Variants in SLC12A2 observed in about 807,000 individuals in gnomAD.
SLC12A2 encodes Na-K-2Cl cotransporter 1.
A neutral mutation model predicts 136.3 loss-of-function variants in SLC12A2; 67 were observed. The ratio of observed to expected loss-of-function variants is 0.49; its 90% CI spans 0.40 to 0.60. The LOEUF (loss-of-function observed/expected upper bound fraction) is 0.60. SLC12A2 is among the 20% of genes least tolerant of loss of function. SLC12A2 has a pLI of 0.00. For missense variants in SLC12A2, 1,322 were observed against 1,534.7 expected (o/e 0.86, Z 2.32); for synonymous variants, 619 against 562.9 (o/e 1.10, Z -1.41).
intron 19 of SLC12A2, among the ~76,000 whole-genome samples, chr5:128,172,275 T>A (rs1022709692): frequency 2.6e-5 from 4 of 152,208 alleles, no homozygotes; most frequent in African/African-American, 9.6e-5. Context: ...TCTGTACCTT[T>A]CATCCAGTTT....
In SLC12A2 at chr5:128,106,179, T is replaced by A. The variant is rs1345878151; in HGVS notation, c.757-6635T>A. On this transcript the variant is annotated intron_variant, in intron 1 of 26. Transcript: ENST00000262461. Reference sequence around the variant, plus strand: ...GCTTCATTTAATAAACCATTACCCATAAAATATTTATGTTGCCAATTTCTA... The same window carrying A: ...GCTTCATTTAATAAACCATTACCCAAAAAATATTTATGTTGCCAATTTCTA... 1.2e-4 allele frequency among the ~76,000 whole-genome samples: 19 copies of A among 152,190 alleles called. 1 individual carries two copies. Among genetic ancestry groups the A allele is most frequent in the Admixed American group, 1.2e-3 (18 of 15,268 alleles).
intron 16 of SLC12A2, among the ~76,000 whole-genome samples, chr5:128,158,840 T>A (rs948957175): frequency 2.0e-5 from 3 of 151,294 alleles, no homozygotes; most frequent in African/African-American, 7.3e-5. Context: ...TGTTTTCTTT[T>A]CTCTGCAACC....
intron 1 of SLC12A2, among the ~76,000 whole-genome samples, chr5:128,108,151 C>A (rs552504756): frequency 6.6e-6 from 1 of 152,068 alleles, no homozygotes; most frequent in East Asian, 1.9e-4. Context: ...TAGGCATCTT[C>A]ATTTTAAGCA....
Position 128,084,698 on chromosome 5 carries a change from C to G in SLC12A2, c.744C>G (p.Asp248Glu), listed in dbSNP as rs368335273. The change falls in exon 1 of 27, where the codon GAC becomes GAG. Residue 248 changes from aspartate to glutamate, a missense_variant. Asp to Glu is a conservative substitution (Grantham distance 45, BLOSUM62 2). This residue lies in a region of SLC12A2 where 59 missense variants were observed against 51.5 expected (regional missense o/e 1.15). Transcript: ENST00000262461. This position sits in a 1 kb window ranked among gnomAD's most constrained non-coding sequence, Gnocchi z 5.6. ...LLRPSLAELH[D>E]ELEKEPFEDG... ...GGCCTAGCCTGGCGGAGCTCCACGA[C>G]GAGCTGGAAAAGGTGAGCTCGCCCA... 138 of 1,598,336 alleles carry G rather than the reference C, an allele frequency of 8.6e-5. No homozygotes were observed. Among genetic ancestry groups the G allele is most frequent in the Non-Finnish European group, 9.7e-5 (114 of 1,171,260 alleles).
intron 9 of SLC12A2, among the ~76,000 whole-genome samples, chr5:128,140,904 G>A (rs1285276934): frequency 6.6e-6 from 1 of 150,610 alleles, no homozygotes; most frequent in Non-Finnish European, 1.5e-5. Context: ...TGTATAGTCT[G>A]CCTAGTCATT....
chr5:128,103,926 T>C (rs1050218499), intron 1 of SLC12A2, among the ~76,000 whole-genome samples: 1 of 152,164 alleles, frequency 6.6e-6, no homozygotes, highest in Non-Finnish European at 1.5e-5. Context: ...TGGAAAAAAA[T>C]AGAAATGTCA....
chr5:128,153,187 T>C lies in SLC12A2; in HGVS notation c.2363+382T>C, dbSNP rs564051150. ...TTAGTGATTAACTGGAAGCAACTTATAGTGACAAAGAATCAGTGCTTATAC... is the reference window on the plus strand; with the variant it reads ...TTAGTGATTAACTGGAAGCAACTTACAGTGACAAAGAATCAGTGCTTATAC... On this transcript the variant is annotated intron_variant, in intron 15 of 26. Transcript: ENST00000262461. Among the ~76,000 whole-genome samples the C allele has an allele frequency of 3.0e-4, 45 of 152,366 alleles. No homozygotes were observed. In the South Asian group the frequency reaches 8.1e-3, roughly 27 times the overall value.
At position 128,084,506 on chromosome 5, in the gene SLC12A2, C is replaced by T; in HGVS notation, c.552C>T (p.Ser184=). Reference sequence around the variant, plus strand: ...ACACGGTGCTGAGCGAGGGCAGCAGCCTGCACTCCGGCGGCGGCGGCGGCA... The same window carrying T: ...ACACGGTGCTGAGCGAGGGCAGCAGTCTGCACTCCGGCGGCGGCGGCGGCA... ...GGDTVLSEGS[S]LHSGGGGGSG... Residue 184 remains serine (S), a synonymous_variant, in exon 1 of 27, where the codon AGC becomes AGT. Coordinates refer to ENST00000262461, the MANE Select transcript of SLC12A2 (RefSeq NM_001046.3). This position sits in a 1 kb window ranked among gnomAD's most constrained non-coding sequence, Gnocchi z 5.6. The T allele has an allele frequency of 1.9e-6, 3 of 1,613,052 alleles. No homozygotes were observed. Among genetic ancestry groups the T allele is most frequent in the Non-Finnish European group, 2.5e-6 (3 of 1,179,792 alleles).
chr5:128,131,757 G>A (rs1210708268), intron 5 of SLC12A2, among the ~76,000 whole-genome samples: 1 of 152,120 alleles, frequency 6.6e-6, no homozygotes, highest in African/African-American at 2.4e-5. Flanking sequence ...TGTAATCTCA[G>A]TACTATGGGA....
chr5:128,182,394 G>A lies in SLC12A2; in HGVS notation c.3213-461G>A, dbSNP rs935867115. 1.8e-4 allele frequency among the ~76,000 whole-genome samples: 27 copies of A among 152,004 alleles called. 1 individual carries two copies. The highest frequency in any genetic ancestry group is 1.2e-3 in the Admixed American group (18 of 15,258). ...TCCCAGTTCCTTCTTTCCCCAAAAT[G>A]CTATGAACTTAATCTGCCATCAACT... On this transcript the variant is annotated intron_variant, in intron 23 of 26. Transcript: ENST00000262461.
At chr5:128,147,492 C>T in intron 10 of SLC12A2, 130 bp from the exon 11 acceptor site, 3 of 581,612 alleles carry the variant, frequency 5.2e-6, no homozygotes, top group Non-Finnish European at 9.2e-6. Context: ...ATGCACATAG[C>T]GTTGTTGTTA....
chr5:128,167,925 C>T (rs1457615359), intron 18 of SLC12A2, 58 bp downstream of exon 18: 5 of 1,047,678 alleles, frequency 4.8e-6, no homozygotes, highest in Non-Finnish European at 6.8e-6. Flanking sequence ...ATTTTGAAAG[C>T]TTGTCCTAAT....
intron 1 of SLC12A2, among the ~76,000 whole-genome samples, chr5:128,101,916 A>G (rs1388037428): frequency 6.6e-6 from 1 of 152,184 alleles, no homozygotes; most frequent in African/African-American, 2.4e-5. Flanking sequence ...TGGTGATTTC[A>G]TATTTGTATG....
In SLC12A2 at chr5:128,084,017, G is replaced by C; in HGVS notation, c.63G>C (p.Thr21=). 1 of 1,255,426 alleles carries C rather than the reference G, an allele frequency of 8.0e-7. No individual in the cohort carries two copies. The highest frequency in any genetic ancestry group is 1.0e-6 in the Non-Finnish European group (1 of 1,002,406). The allele number at this position is 1,255,426 out of a possible 1,614,324, so 77.8% of individuals were successfully genotyped here. The change falls in exon 1 of 27, where the codon ACG becomes ACC. Residue 21 remains threonine (T), a synonymous_variant. Coordinates refer to ENST00000262461, the MANE Select transcript of SLC12A2 (RefSeq NM_001046.3). This position sits in a 1 kb window ranked among gnomAD's most constrained non-coding sequence, Gnocchi z 5.6. ...CGGGACTGGCCGGGGTCGGGGAGAC[G>C]CCGTCAGCCGCTGCGCTGGCCGCAG... ...GAPGLAGVGE[T]PSAAALAAAR...
intron 4 of SLC12A2, among the ~76,000 whole-genome samples, chr5:128,119,503 C>A (rs1038275854): frequency 6.6e-6 from 1 of 152,094 alleles, no homozygotes; most frequent in African/African-American, 2.4e-5. Context: ...GCTTGTTTTT[C>A]TCAGGTTTCT....
chr5:128,088,007 C>CTGTGTG (rs58191870), intron 1 of SLC12A2, among the ~76,000 whole-genome samples: 21,197 of 140,286 alleles, frequency 0.15, 1,770 homozygotes, highest in Admixed American at 0.23. Context: ...GGAGGAGGCT[C>CTGTGTG]TGTGTGTGTG....
rs575497919 is a variant in SLC12A2 at position 128,152,881 on chromosome 5, T to G, written c.2363+76T>G. On this transcript the variant is annotated intron_variant, in intron 15 of 26. Coordinates refer to ENST00000262461, the MANE Select transcript of SLC12A2 (RefSeq NM_001046.3). ...CAGTTCTTATTTTTCATTGACATTT[T>G]CATGTACATTTCACATTTTTAATCG... 1.7e-4 allele frequency: 149 copies of G among 890,170 alleles called. 2 individuals carry two copies. The South Asian group carries it at 1.7e-3, about 10-fold the overall frequency. 55.1% of individuals were successfully genotyped at this position (890,170 alleles called of 1,614,324 possible).
chr5:128,162,414 T>C (rs561891682), intron 17 of SLC12A2, among the ~76,000 whole-genome samples: 14 of 152,172 alleles, frequency 9.2e-5, no homozygotes, highest in Non-Finnish European at 1.6e-4. Context: ...TAGATCCTTA[T>C]AAAAACCACA....
At chr5:128,151,701 G>T (rs899174326) in intron 14 of SLC12A2, among the ~76,000 whole-genome samples, 3 of 151,658 alleles carry the variant, frequency 2.0e-5, no homozygotes, top group Admixed American at 1.3e-4. Flanking sequence ...TGCTGCACTC[G>T]GTATATTTTT....
Sources: allele counts gnomAD v4.1 joint callset (sites outside exome capture counted in the v4.1 genomes callset), GRCh38; gene constraint gnomAD v4.1.1; regional missense constraint gnomAD v4.1.1; non-coding constraint Gnocchi (gnomAD v3.1); transcripts MANE v1.5; gene names NCBI Gene and HGNC (gene_info 2026-07-23, HGNC 2026-07-21).